Variants in SVIL observed in about 807,000 individuals in gnomAD.
The protein encoded by SVIL is supervillin, also known as archvillin.
SVIL carries 101 observed loss-of-function variants against 240.4 expected under a neutral mutation model. That is an observed-to-expected ratio of 0.42 (90% confidence interval 0.36 to 0.50). The LOEUF (loss-of-function observed/expected upper bound fraction) is 0.50, where lower values mean the gene tolerates loss of function less well. Ranked by LOEUF, SVIL falls within the 20% of genes least tolerant of loss-of-function variation. The pLI is 0.01. For synonymous variants in SVIL, 999 were observed against 1,100.0 expected (o/e 0.91, Z 1.82); for missense variants, 2,512 against 2,818.7 (o/e 0.89, Z 2.46).
At position 29,676,285 on chromosome 10, in the gene SVIL, C is replaced by T. The variant is rs751252364; in HGVS notation, c.-301+10268G>A. On this transcript the variant is annotated intron_variant, in intron 2 of 35. Coordinates refer to the SVIL transcript ENST00000375400. Reference sequence around the variant, plus strand: ...TGGTGAACAGCAGCAGGATCAAGACCGAACCACTGGTGTTTTGGTAACATT... The same window carrying T: ...TGGTGAACAGCAGCAGGATCAAGACTGAACCACTGGTGTTTTGGTAACATT... 3.9e-5 allele frequency among the ~76,000 whole-genome samples: 6 copies of T among 152,118 alleles called. No homozygotes were observed. In the East Asian group the frequency reaches 7.7e-4, roughly 20 times the overall value.
At chr10:29,501,929 C>G (rs1483072131) in intron 17 of SVIL, among the ~76,000 whole-genome samples, 1 of 152,164 alleles carries the variant, frequency 6.6e-6, no homozygotes, top group Non-Finnish European at 1.5e-5. Context: ...TCAGGCATCT[C>G]AACAGTCCAG....
intron 6 of SVIL, among the ~76,000 whole-genome samples, chr10:29,536,606 A>C (rs1951757745): frequency 6.6e-6 from 1 of 152,180 alleles, no homozygotes; most frequent in Non-Finnish European, 1.5e-5. Flanking sequence ...AGTAATTTTA[A>C]ATTATTAGAA....
At chr10:29,519,292 T>C (rs1486743034) in intron 16 of SVIL, among the ~76,000 whole-genome samples, 1 of 152,158 alleles carries the variant, frequency 6.6e-6, no homozygotes, top group Non-Finnish European at 1.5e-5. Flanking sequence ...GGTCTCACCA[T>C]GGACCAGGGG....
rs116745575 is a variant in SVIL, at chr10:29,514,194, A to C, written c.3390-1333T>G. The stretch of plus-strand genomic sequence containing the variant: ...TAAATCCATAAATATTAAATCCATA[A>C]ATATTTTTATCCATAAATATTAAAT... On this transcript the variant is annotated intron_variant, in intron 16 of 37. Transcript: ENST00000355867. 6.9e-3 allele frequency among the ~76,000 whole-genome samples: 1,052 copies of C among 152,278 alleles called. 15 individuals carry two copies. The highest frequency in any genetic ancestry group is 0.024 in the African/African-American group (990 of 41,536).
chr10:29,524,948 C>T (rs546952663), intron 13 of SVIL, among the ~76,000 whole-genome samples: 78 of 152,118 alleles, frequency 5.1e-4, no homozygotes, highest in Middle Eastern at 3.4e-3. Flanking sequence ...CGAATTATTT[C>T]TACAAAACGA....
rs937928290 is a variant in SVIL at position 29,559,214 on chromosome 10, A to G, written c.-51+3987T>C. Among the ~76,000 whole-genome samples the G allele has an allele frequency of 6.6e-5, 10 of 152,060 alleles. 1 individual carries two copies. In the Middle Eastern group the frequency reaches 0.01, roughly 155 times the overall value. On this transcript the variant is annotated intron_variant, in intron 3 of 37. Transcript: ENST00000355867. The stretch of plus-strand genomic sequence containing the variant: ...TGTGTTCTTTTAAAACTTCAAAAAA[A>G]TTTTTTGTAATATCAGACGTACAGA...
At position 29,602,462 on chromosome 10, in the gene SVIL, G is replaced by C. The variant is rs553413148; in HGVS notation, c.-201+31958C>G. 166 of 270,716 alleles carry C rather than the reference G, an allele frequency of 6.1e-4. 2 individuals carry two copies. The highest frequency in any genetic ancestry group is 3.1e-3 in the South Asian group (89 of 29,104). The allele number at this position is 270,716 out of a possible 1,614,324, so 16.8% of individuals were successfully genotyped here. A position where few individuals can be genotyped will look rare whatever the true frequency, so the allele number is the denominator to read the frequency against. On this transcript the variant is annotated intron_variant, in intron 1 of 37. Transcript: ENST00000355867. The stretch of plus-strand genomic sequence containing the variant: ...TATTACATACACTCTTCCATAAAAG[G>C]CCTGGGCAGGTGAAGTGTTCACTGC...
chr10:29,723,564 T>A (rs1048197684), intron 1 of SVIL, among the ~76,000 whole-genome samples: 1 of 152,098 alleles, frequency 6.6e-6, no homozygotes, highest in Admixed American at 6.6e-5. Flanking sequence ...TAATAATAAT[T>A]ATTATTATAT....
chr10:29,506,701 T>G (rs1949336683), intron 17 of SVIL, among the ~76,000 whole-genome samples: 1 of 114,852 alleles, frequency 8.7e-6, no homozygotes, highest in African/African-American at 3.3e-5. Context: ...ACAGAGGCCC[T>G]ACGAGGGAGG....
At chr10:29,638,997 T>C (rs1958397748), upstream of SVIL, among the ~76,000 whole-genome samples, 1 of 152,202 alleles carries the variant, frequency 6.6e-6, no homozygotes, top group African/African-American at 2.4e-5. Context: ...TTCTCACTAT[T>C]TGGCTCAGGC....
intron 1 of SVIL, among the ~76,000 whole-genome samples, chr10:29,632,302 G>A (rs950259556): frequency 6.6e-6 from 1 of 151,900 alleles, no homozygotes; most frequent in African/African-American, 2.4e-5. Flanking sequence ...ACCAACCTGG[G>A]CAACATGATG....
intron 2 of SVIL, among the ~76,000 whole-genome samples, chr10:29,660,743 T>A (rs537492913): frequency 6.6e-6 from 1 of 152,364 alleles, no homozygotes; most frequent in East Asian, 1.9e-4. Flanking sequence ...ATTCCCCTCC[T>A]GACCTCTGGA....
At chr10:29,553,913 C>T (rs1953636881) in intron 5 of SVIL, among the ~76,000 whole-genome samples, 2 of 152,172 alleles carry the variant, frequency 1.3e-5, no homozygotes, top group African/African-American at 2.4e-5. Context: ...AGCAGCCGCT[C>T]CCTGTACTGG....
intron 15 of SVIL, 71 bp downstream of exon 15, chr10:29,523,380 G>T: frequency 7.1e-7 from 1 of 1,415,066 alleles, no homozygotes; most frequent in Non-Finnish European, 9.5e-7. Flanking sequence ...AGCCATCATA[G>T]ACACAGGACA....
intron 1 of SVIL, among the ~76,000 whole-genome samples, chr10:29,700,569 C>T (rs1962439635): frequency 6.8e-6 from 1 of 146,618 alleles, no homozygotes; most frequent in Non-Finnish European, 1.5e-5. Context: ...CTCCCGGGTT[C>T]ACACCATTCT....
chr10:29,532,867 A>C lies in SVIL; in HGVS notation c.1500T>G (p.Pro500=). 1 of 1,613,968 alleles carries C rather than the reference A, an allele frequency of 6.2e-7. No homozygotes were observed. Among genetic ancestry groups the C allele is most frequent in the Non-Finnish European group, 8.5e-7 (1 of 1,179,984 alleles). ...TCTCAGTGGGCTGGTGCGGAGCTTG[A>C]GGGGGTTGTGCCACGTTTTCCAGTT... ...QKELENVAQP[P]QAPHQPTERT... Residue 500 remains proline, a synonymous_variant, in exon 8 of 38, where the codon CCT becomes CCG. Coordinates refer to ENST00000355867, the MANE Select transcript of SVIL (RefSeq NM_021738.3).
rs550794530 is a variant in SVIL, at chr10:29,550,540, G to A, written c.827+57C>T. On this transcript the variant is annotated intron_variant, in intron 6 of 37. Transcript: ENST00000355867. ...ATAGCCAAACCCTATCACACAGAGA[G>A]GCAAAAAGAAGGTATTGTCCTGCGT... 282 of 1,483,780 alleles carry A rather than the reference G, an allele frequency of 1.9e-4. 2 individuals carry two copies. The East Asian group carries it at 6.4e-3, about 34-fold the overall frequency. The allele number at this position is 1,483,780 out of a possible 1,614,324, so 91.9% of individuals were successfully genotyped here. A position where few individuals can be genotyped will look rare whatever the true frequency, so the allele number is the denominator to read the frequency against.
At chr10:29,704,276 T>C (rs892011227) in intron 1 of SVIL, among the ~76,000 whole-genome samples, 1 of 152,198 alleles carries the variant, frequency 6.6e-6, no homozygotes, top group Non-Finnish European at 1.5e-5. Flanking sequence ...TCCCTAAACT[T>C]GCAGTGTCGT....
intron 1 of SVIL, among the ~76,000 whole-genome samples, chr10:29,691,520 A>C (rs1386462401): frequency 6.6e-6 from 1 of 151,728 alleles, no homozygotes; most frequent in Non-Finnish European, 1.5e-5. Context: ...CCCAATAATG[A>C]ATAATTTTTA....
Sources: gnomAD v4.1 joint callset for allele counts (sites outside exome capture counted in the v4.1 genomes callset) on GRCh38, gnomAD v4.1.1 for gene constraint, MANE v1.5 for transcripts, NCBI Gene and HGNC (gene_info 2026-07-23, HGNC 2026-07-21) for gene names.